Variants in TMCO6 observed in about 807,000 individuals in gnomAD.
TMCO6 encodes transmembrane and coiled-coil domain-containing protein 6.
A neutral mutation model predicts 61.8 loss-of-function variants in TMCO6; 47 were observed. That is an observed-to-expected ratio of 0.76 (90% CI 0.60 to 0.97). The LOEUF is 0.97. TMCO6 is among the 50% of genes least tolerant of loss of function. The pLI is 0.00. For synonymous variants in TMCO6, 261 were observed against 254.2 expected (o/e 1.03, Z -0.25); for missense variants, 557 against 601.6 (o/e 0.93, Z 0.78).
chr5:140,647,144 A>AGT, downstream of TMCO6: 1 of 1,165,150 alleles, frequency 8.6e-7, no homozygotes, highest in Non-Finnish European at 1.2e-6. Context: ...GCAAGGCTAA[A>AGT]GTCCGAGTTC....
At chr5:140,638,633 T>A (rs1007467304), upstream of TMCO6, 1 of 151,112 alleles carries the variant, frequency 6.6e-6, no homozygotes, top group Admixed American at 6.6e-5. Context: ...CTCGGCCCAC[T>A]GCAATCTCCG....
chr5:140,601,741 G>A, the TMCO6 span, among the ~76,000 whole-genome samples: 80,738 of 151,902 alleles, frequency 0.53, 21,767 homozygotes, highest in African/African-American at 0.53. Context: ...TTAAAAGGCA[G>A]ATTTCAGGCG....
the TMCO6 span, among the ~76,000 whole-genome samples, chr5:140,612,401 G>C: frequency 6.8e-6 from 1 of 146,776 alleles, no homozygotes; most frequent in African/African-American, 2.6e-5. Context: ...GTGCAGTGGT[G>C]CTATCTCGGC....
the TMCO6 span, among the ~76,000 whole-genome samples, chr5:140,629,349 C>T: frequency 6.6e-6 from 1 of 151,968 alleles, no homozygotes; most frequent in African/African-American, 2.4e-5. Context: ...GCAGTATTTG[C>T]ACATAACCTA....
the TMCO6 span, among the ~76,000 whole-genome samples, chr5:140,630,129 G>A: frequency 4.2e-4 from 63 of 151,652 alleles, no homozygotes; most frequent in Middle Eastern, 0.01. Flanking sequence ...GAGTAGCTGG[G>A]ATTACAGACA....
the TMCO6 span, chr5:140,631,950 T>A: frequency 1.1e-5 from 17 of 1,611,272 alleles, no homozygotes; most frequent in Non-Finnish European, 1.4e-5. Flanking sequence ...CACGCCGGAG[T>A]TCATTGAGCC....
At chr5:140,598,949 C>A in the TMCO6 span, among the ~76,000 whole-genome samples, 110 of 152,046 alleles carry the variant, frequency 7.2e-4, 2 homozygotes, top group Admixed American at 6.9e-3. Context: ...AACAAAAAAA[C>A]CAAAAAACCA....
At chr5:140,640,613 G>T (rs534358884) in intron 2 of TMCO6, among the ~76,000 whole-genome samples, 104 of 152,126 alleles carry the variant, frequency 6.8e-4, no homozygotes, top group African/African-American at 2.4e-3. Flanking sequence ...TTGTCAGGCT[G>T]GTCTGGAACA....
the TMCO6 span, among the ~76,000 whole-genome samples, chr5:140,622,463 G>T: frequency 1.3e-5 from 2 of 152,160 alleles, no homozygotes. Context: ...AGGAGTGGAG[G>T]TGTTAGGGGC....
the TMCO6 span, among the ~76,000 whole-genome samples, chr5:140,615,021 C>T: frequency 9.2e-5 from 14 of 152,238 alleles, no homozygotes; most frequent in African/African-American, 3.4e-4. Context: ...AATCTCCATT[C>T]GTAAATGACA....
the TMCO6 span, chr5:140,633,148 C>A: frequency 2.6e-5 from 42 of 1,588,472 alleles, no homozygotes; most frequent in Non-Finnish European, 3.5e-5. Flanking sequence ...CACAGCGGCA[C>A]CCGCCGGCTT....
chr5:140,602,034 A>G, the TMCO6 span, among the ~76,000 whole-genome samples: 1 of 152,190 alleles, frequency 6.6e-6, no homozygotes, highest in African/African-American at 2.4e-5. Flanking sequence ...GTCCAAAGGC[A>G]TCAACATGGA....
upstream of TMCO6, among the ~76,000 whole-genome samples, chr5:140,638,064 G>A (rs775486454): frequency 6.6e-6 from 1 of 150,948 alleles, no homozygotes; most frequent in Non-Finnish European, 1.5e-5. Flanking sequence ...TTGAACACTC[G>A]AACAAAGGAT....
At chr5:140,611,449 T>G in the TMCO6 span, among the ~76,000 whole-genome samples, 1 of 152,226 alleles carries the variant, frequency 6.6e-6, no homozygotes, top group Non-Finnish European at 1.5e-5. Flanking sequence ...CCTCTCCCTC[T>G]GTGCCTGAGC....
chr5:140,624,791 A>T, the TMCO6 span, among the ~76,000 whole-genome samples: 14 of 151,178 alleles, frequency 9.3e-5, no homozygotes, highest in African/African-American at 3.2e-4. Flanking sequence ...GCCTCTCAAA[A>T]TGCTGGTATT....
the TMCO6 span, among the ~76,000 whole-genome samples, chr5:140,602,327 A>G: frequency 1.3e-5 from 2 of 152,222 alleles, no homozygotes; most frequent in Non-Finnish European, 2.9e-5. Flanking sequence ...CTGTCCAGTC[A>G]GAGCCAGGCA....
the TMCO6 span, among the ~76,000 whole-genome samples, chr5:140,622,363 A>T: frequency 0.022 from 3,386 of 152,262 alleles, 137 homozygotes; most frequent in African/African-American, 0.077. Context: ...CTCAGTCCTC[A>T]GACATTAACA....
At chr5:140,638,214 G>A (rs5744439), upstream of TMCO6, among the ~76,000 whole-genome samples, 1,442 of 152,284 alleles carry the variant, frequency 9.5e-3, 18 homozygotes, top group African/African-American at 0.033. Context: ...CATTGGCCGG[G>A]GTCGGGTCAT....
upstream of TMCO6, among the ~76,000 whole-genome samples, chr5:140,636,072 C>T (rs1756763331): frequency 6.6e-6 from 1 of 152,176 alleles, no homozygotes; most frequent in South Asian, 2.1e-4. Flanking sequence ...AATCTTGGCT[C>T]ATCGCAACCT....
Sources: allele counts gnomAD v4.1 joint callset (sites outside exome capture counted in the v4.1 genomes callset), GRCh38; gene constraint gnomAD v4.1.1; transcripts MANE v1.5; gene names NCBI Gene and HGNC (gene_info 2026-07-23, HGNC 2026-07-21).